The following FGF7 variants were observed in gnomAD, a reference collection of about 807,000 sequenced individuals.
FGF7 encodes the protein FGF-7.
Under a neutral mutation model 20.5 loss-of-function variants are expected in FGF7, and 6 were observed. The observed-to-expected ratio is 0.29, with a 90% CI of 0.16 to 0.58. The LOEUF is 0.58. Among genes scored for constraint, FGF7 ranks in the 20% least tolerant of loss-of-function variants. The probability of loss-of-function intolerance (pLI) is 0.90; values close to 1 mark genes in which losing one functional copy is unlikely to be tolerated. For missense variants in FGF7, 144 were observed against 228.8 expected (o/e 0.63, Z 2.39); for synonymous variants, 64 against 74.7 (o/e 0.86, Z 0.74).
chr15:49,443,091 G>A (rs559628223), intron 2 of FGF7, among the ~76,000 whole-genome samples: 7 of 151,808 alleles, frequency 4.6e-5, no homozygotes, highest in African/African-American at 1.7e-4. Flanking sequence ...TAAGTAGGGT[G>A]ACCATATTTG....
chr15:49,448,805 C>T (rs2052459459), intron 2 of FGF7, among the ~76,000 whole-genome samples: 1 of 151,794 alleles, frequency 6.6e-6, no homozygotes, highest in Non-Finnish European at 1.5e-5. Context: ...AGACAGATAA[C>T]TGGCAAAACT....
rs1458253318 is a variant in FGF7 at position 49,487,998 on chromosome 15, A to C, written c.*3494A>C. ...CATAAATAACACAAGGCTAAAGAAA[A>C]CCAGAACTCAAATTCACCACGCATA... is the stretch of plus-strand genomic sequence containing the variant. On this transcript the variant is annotated 3_prime_UTR_variant, in exon 4 of 4. Coordinates refer to ENST00000267843, the MANE Select transcript of FGF7 (RefSeq NM_002009.4). 2 of 151,954 alleles carry C rather than the reference A, an allele frequency of 1.3e-5. No homozygotes were observed. The highest frequency in any genetic ancestry group is 6.6e-5 in the Admixed American group (1 of 15,214). 9.4% of individuals were successfully genotyped at this position (151,954 alleles called of 1,614,324 possible).
At chr15:49,471,905 G>C (rs946109399) in intron 2 of FGF7, among the ~76,000 whole-genome samples, 2 of 152,048 alleles carry the variant, frequency 1.3e-5, no homozygotes, top group Non-Finnish European at 2.9e-5. Flanking sequence ...GACAGCACCG[G>C]AAGAAACTTG....
intron 2 of FGF7, among the ~76,000 whole-genome samples, chr15:49,432,622 C>G (rs1035689116): frequency 1.3e-5 from 2 of 151,508 alleles, no homozygotes; most frequent in Admixed American, 6.6e-5. Flanking sequence ...AACGAAGTTG[C>G]CACTAAATTG....
intron 2 of FGF7, among the ~76,000 whole-genome samples, chr15:49,445,577 T>C (rs1182667667): frequency 6.6e-6 from 1 of 151,610 alleles, no homozygotes; most frequent in African/African-American, 2.4e-5. Flanking sequence ...ATCACGGACA[T>C]ACTAATTACC....
intron 2 of FGF7, among the ~76,000 whole-genome samples, chr15:49,464,195 G>T (rs2054063168): frequency 6.6e-6 from 1 of 152,106 alleles, no homozygotes; most frequent in South Asian, 2.1e-4. Flanking sequence ...AATCTCCACA[G>T]AGTATGTGTA....
chr15:49,458,994 T>A (rs1462445069), intron 2 of FGF7, among the ~76,000 whole-genome samples: 1 of 152,178 alleles, frequency 6.6e-6, no homozygotes, highest in African/African-American at 2.4e-5. Flanking sequence ...ATTCGTTTGA[T>A]TGTCCTTCAT....
intron 2 of FGF7, among the ~76,000 whole-genome samples, chr15:49,467,074 T>C (rs1174798591): frequency 1.3e-5 from 2 of 151,990 alleles, no homozygotes; most frequent in Admixed American, 6.6e-5. Context: ...TAGACACAAG[T>C]TAAAGAGGGA....
intron 2 of FGF7, among the ~76,000 whole-genome samples, chr15:49,460,853 T>G (rs1485452726): frequency 6.6e-6 from 1 of 152,184 alleles, no homozygotes; most frequent in Non-Finnish European, 1.5e-5. Context: ...CATTGTTTGT[T>G]TGATTATGTT....
At chr15:49,467,343 C>A (rs2054358748) in intron 2 of FGF7, among the ~76,000 whole-genome samples, 1 of 152,094 alleles carries the variant, frequency 6.6e-6, no homozygotes, top group Non-Finnish European at 1.5e-5. Flanking sequence ...TCACTTTCTT[C>A]TAGCCCCATC....
chr15:49,436,945 A>C (rs577739724), intron 2 of FGF7, among the ~76,000 whole-genome samples: 2 of 151,638 alleles, frequency 1.3e-5, no homozygotes, highest in East Asian at 3.9e-4. Context: ...ATAAAAACTT[A>C]CTCCAAGTTT....
chr15:49,471,377 G>A (rs2054733746), intron 2 of FGF7, among the ~76,000 whole-genome samples: 1 of 151,762 alleles, frequency 6.6e-6, no homozygotes, highest in Non-Finnish European at 1.5e-5. Flanking sequence ...CAGCTACTCA[G>A]GAGGCTGAAG....
chr15:49,465,531 A>G (rs1032049088), intron 2 of FGF7, among the ~76,000 whole-genome samples: 4 of 152,116 alleles, frequency 2.6e-5, no homozygotes, highest in Admixed American at 1.3e-4. Flanking sequence ...TGTTACCCAT[A>G]ATATGAGTGT....
chr15:49,472,701 G>A (rs1450138120), intron 2 of FGF7, among the ~76,000 whole-genome samples: 1 of 152,020 alleles, frequency 6.6e-6, no homozygotes, highest in Non-Finnish European at 1.5e-5. Flanking sequence ...AAGACTTAAG[G>A]GGCAAAGATA....
intron 2 of FGF7, among the ~76,000 whole-genome samples, chr15:49,473,259 ATG>A (rs2054944654): frequency 1.2e-5 from 1 of 86,364 alleles, no homozygotes; most frequent in African/African-American, 3.0e-5. Flanking sequence ...TGAAGTCATG[ATG>A]ATGTTCACTA....
intron 2 of FGF7, among the ~76,000 whole-genome samples, chr15:49,467,653 T>TA (rs1424040008): frequency 1.3e-5 from 2 of 152,106 alleles, no homozygotes; most frequent in Non-Finnish European, 2.9e-5. Context: ...GAGCCATTTT[T>TA]AAAAAAACAC....
At chr15:49,467,146 T>C in intron 2 of FGF7, among the ~76,000 whole-genome samples, 1 of 152,184 alleles carries the variant, frequency 6.6e-6, no homozygotes, top group Non-Finnish European at 1.5e-5. Flanking sequence ...TATTAGTATT[T>C]AAAATAAAGG....
chr15:49,430,268 C>T (rs2050484316), intron 2 of FGF7, among the ~76,000 whole-genome samples: 1 of 151,904 alleles, frequency 6.6e-6, no homozygotes, highest in South Asian at 2.1e-4. Flanking sequence ...GGCAGGTCTG[C>T]ATCTCTTCTG....
chr15:49,459,737 A>G (rs189844920), intron 2 of FGF7, among the ~76,000 whole-genome samples: 1 of 152,278 alleles, frequency 6.6e-6, no homozygotes, highest in Non-Finnish European at 1.5e-5. Context: ...ATAGTTCATG[A>G]CATAAGCTGT....
Sources: gnomAD v4.1 joint callset for allele counts (sites outside exome capture counted in the v4.1 genomes callset) on GRCh38, gnomAD v4.1.1 for gene constraint, MANE v1.5 for transcripts, NCBI Gene and HGNC (gene_info 2026-07-23, HGNC 2026-07-21) for gene names.